SLC7A14: variants seen among roughly 807,000 people sequenced by gnomAD.
SLC7A14 encodes solute carrier family 7 member 14, also known as gamma-aminobutyric acid transporter SLC7A14.
In SLC7A14, 37 loss-of-function variants were observed where a neutral mutation model predicts 60.2. The observed-to-expected ratio is 0.61, with a 90% CI of 0.47 to 0.81. The LOEUF (loss-of-function observed/expected upper bound fraction) is 0.81. SLC7A14 is among the 30% of genes least tolerant of loss of function. The pLI, the probability that SLC7A14 is intolerant of heterozygous loss-of-function variation, is 0.00. For missense variants in SLC7A14, 886 were observed against 982.7 expected (o/e 0.90, Z 1.32); for synonymous variants, 399 against 395.8 (o/e 1.01, Z -0.10).
chr3:170,577,612 G>A (rs200958345), intron 1 of SLC7A14, among the ~76,000 whole-genome samples: 2 of 126,428 alleles, frequency 1.6e-5, no homozygotes, highest in Non-Finnish European at 3.2e-5. Context: ...GCGACAGAGC[G>A]AGACTCCGTC....
intron 2 of SLC7A14, among the ~76,000 whole-genome samples, chr3:170,518,872 G>A (rs1310211448): frequency 6.6e-6 from 1 of 152,116 alleles, no homozygotes; most frequent in African/African-American, 2.4e-5. Flanking sequence ...AGAAGAGAGG[G>A]TTGGTGGATG....
chr3:170,526,088 C>A (rs575883352), intron 2 of SLC7A14, among the ~76,000 whole-genome samples: 3 of 138,100 alleles, frequency 2.2e-5, no homozygotes, highest in African/African-American at 8.0e-5. Flanking sequence ...AAAAAAAAAA[C>A]CCAGAAAACA....
Position 170,471,090 on chromosome 3 carries a change from G to GTGTGTGTGTGTGT in SLC7A14, c.1994-3714_1994-3713insACACACACACACA, listed in dbSNP as rs1553864202. On this transcript the variant is annotated intron_variant, in intron 7 of 7. Transcript: ENST00000231706. ...ACTCCCTTTAACCTGTCTGGGAAGG[G>GTGTGTGTGTGTGT]GTGTGTGTGTGTGTGTGTGTGTGTG... is the stretch of plus-strand genomic sequence containing the variant. 1.1e-3 allele frequency among the ~76,000 whole-genome samples: 156 copies of GTGTGTGTGTGTGT among 146,450 alleles called. 2 individuals carry two copies. The highest frequency in any genetic ancestry group is 3.8e-3 in the African/African-American group (150 of 39,200).
At chr3:170,522,418 A>C (rs1713364595) in intron 2 of SLC7A14, among the ~76,000 whole-genome samples, 1 of 152,242 alleles carries the variant, frequency 6.6e-6, no homozygotes, top group Admixed American at 6.5e-5. Flanking sequence ...AGGATAAACA[A>C]ATGGTAGTAG....
At chr3:170,470,308 A>ATGTGTGTGTGTGTG (rs60682275) in intron 7 of SLC7A14, among the ~76,000 whole-genome samples, 31,819 of 143,314 alleles carry the variant, frequency 0.22, 4,342 homozygotes, top group Middle Eastern at 0.34. Context: ...TGGAAGGAAC[A>ATGTGTGTGTGTGTG]TGTGTGTGTG....
At chr3:170,496,477 C>T (rs1712398205) in intron 4 of SLC7A14, 2 of 1,352,182 alleles carry the variant, frequency 1.5e-6, no homozygotes, top group Admixed American at 1.7e-5. Flanking sequence ...GTTAAGGATG[C>T]CAGCGCCAAG....
chr3:170,480,698 A>G lies in SLC7A14; in HGVS notation c.1584T>C (p.Ile528=), dbSNP rs1462512912. Residue 528 remains isoleucine (I), a synonymous_variant, in exon 7 of 8, where the codon ATT becomes ATC. Coordinates refer to ENST00000231706, the MANE Select transcript of SLC7A14 (RefSeq NM_020949.3). ...TCAGCTTCTTTAACTTGATGAGATA[A>G]ATATTTTCGGATTCATCAGCTTCTA... ...TGIEADESEN[I]YLIKLKKLIG... 3 of 1,614,078 alleles carry G rather than the reference A, an allele frequency of 1.9e-6. No individual in the cohort carries two copies. In the East Asian group the frequency reaches 6.7e-5, roughly 36 times the overall value.
intron 1 of SLC7A14, among the ~76,000 whole-genome samples, chr3:170,541,886 TA>T (rs1424033739): frequency 6.6e-6 from 1 of 152,176 alleles, no homozygotes; most frequent in African/African-American, 2.4e-5. Flanking sequence ...ATTATGTAAC[TA>T]AAACCCCAAA....
chr3:170,474,712 T>C (rs1199793110), intron 7 of SLC7A14, among the ~76,000 whole-genome samples: 1 of 152,210 alleles, frequency 6.6e-6, no homozygotes, highest in African/African-American at 2.4e-5. Flanking sequence ...TTTCAGATAA[T>C]AGCTCAGGTA....
intron 1 of SLC7A14, among the ~76,000 whole-genome samples, chr3:170,555,189 A>AT (rs1000712851): frequency 2.0e-5 from 3 of 149,530 alleles, no homozygotes; most frequent in African/African-American, 7.5e-5. Context: ...ATATATATAT[A>AT]ATATATATAT....
At chr3:170,571,092 T>G (rs1319825798) in intron 1 of SLC7A14, among the ~76,000 whole-genome samples, 1 of 152,232 alleles carries the variant, frequency 6.6e-6, no homozygotes, top group African/African-American at 2.4e-5. Context: ...TCTCTTAAAC[T>G]AAACAAAATG....
chr3:170,559,817 A>C (rs1714592435), intron 1 of SLC7A14, among the ~76,000 whole-genome samples: 1 of 152,316 alleles, frequency 6.6e-6, no homozygotes, highest in African/African-American at 2.4e-5. Flanking sequence ...ACCCAGTCTC[A>C]CACAATGTGT....
At chr3:170,521,947 G>A (rs995605786) in intron 2 of SLC7A14, among the ~76,000 whole-genome samples, 2 of 151,818 alleles carry the variant, frequency 1.3e-5, no homozygotes, top group Admixed American at 1.3e-4. Flanking sequence ...GGTGGGGGGT[G>A]GGCAAAAGAT....
chr3:170,569,592 G>A (rs1192712285), intron 1 of SLC7A14, among the ~76,000 whole-genome samples: 1 of 152,184 alleles, frequency 6.6e-6, no homozygotes, highest in African/African-American at 2.4e-5. Flanking sequence ...AATGGTACCA[G>A]TTCCTCCTTG....
intron 2 of SLC7A14, among the ~76,000 whole-genome samples, chr3:170,512,108 A>G (rs1712998080): frequency 6.6e-6 from 1 of 152,162 alleles, no homozygotes; most frequent in South Asian, 2.1e-4. Context: ...CCCATTTCTA[A>G]AGCAGGTGAA....
At chr3:170,547,485 G>C (rs1714213830) in intron 1 of SLC7A14, among the ~76,000 whole-genome samples, 1 of 152,064 alleles carries the variant, frequency 6.6e-6, no homozygotes, top group Admixed American at 6.6e-5. Flanking sequence ...ATTATATACT[G>C]TATTCTTACA....
chr3:170,507,226 T>C (rs942705364), intron 2 of SLC7A14, among the ~76,000 whole-genome samples: 3 of 152,212 alleles, frequency 2.0e-5, no homozygotes, highest in Non-Finnish European at 4.4e-5. Context: ...ATTTCCTTCC[T>C]TTATTCCACA....
intron 1 of SLC7A14, among the ~76,000 whole-genome samples, chr3:170,527,404 C>T (rs569134552): frequency 6.6e-6 from 1 of 152,202 alleles, no homozygotes; most frequent in Non-Finnish European, 1.5e-5. Flanking sequence ...AATAAAGTCT[C>T]TCTCCTAGTG....
At position 170,585,545 on chromosome 3, in the gene SLC7A14, G is replaced by A. The variant is rs182195832; in HGVS notation, c.-153+366C>T. On this transcript the variant is annotated intron_variant, in intron 1 of 7. Coordinates refer to ENST00000231706, the MANE Select transcript of SLC7A14 (RefSeq NM_020949.3). This position sits in a 1 kb window ranked among gnomAD's most constrained non-coding sequence, Gnocchi z 5.1. ...GGGCCCGGCGTCTGCCGAGACCTAG[G>A]CTGCCCGCATTCCGCTCGCGGCTCC... Among the ~76,000 whole-genome samples, 209 of 152,274 alleles carry A rather than the reference G, an allele frequency of 1.4e-3. No homozygotes were observed. Among genetic ancestry groups the A allele is most frequent in the Admixed American group, 3.7e-3 (56 of 15,306 alleles).
Sources: allele counts gnomAD v4.1 joint callset (sites outside exome capture counted in the v4.1 genomes callset), GRCh38; gene constraint gnomAD v4.1.1; non-coding constraint Gnocchi (gnomAD v3.1); transcripts MANE v1.5; gene names NCBI Gene and HGNC (gene_info 2026-07-23, HGNC 2026-07-21).